The following CNIH3 variants were observed in gnomAD, a reference collection of about 807,000 sequenced individuals.
The protein encoded by CNIH3 is cornichon family AMPA receptor auxiliary protein 3.
In CNIH3, 14 loss-of-function variants were observed where a neutral mutation model predicts 24.1. The ratio of observed to expected loss-of-function variants is 0.58; its 90% CI spans 0.38 to 0.91. The LOEUF is 0.91. Ranked by LOEUF, CNIH3 falls within the 40% of genes least tolerant of loss-of-function variation. CNIH3 has a pLI of 0.00. For missense variants in CNIH3, 178 were observed against 196.8 expected, an observed-to-expected ratio of 0.90 and a Z score of 0.57; for synonymous variants, 68 against 73.8, an observed-to-expected ratio of 0.92 and a Z score of 0.40.
downstream of CNIH3, among the ~76,000 whole-genome samples, chr1:224,540,060 T>C (rs74146377): frequency 0.021 from 3,217 of 152,274 alleles, 115 homozygotes; most frequent in African/African-American, 0.073. Context: ...CGTGGGTAAT[T>C]GGGAGGCTGG....
At chr1:224,449,908 A>G (rs1200313065) in intron 1 of CNIH3, among the ~76,000 whole-genome samples, 3 of 151,972 alleles carry the variant, frequency 2.0e-5, no homozygotes, top group African/African-American at 7.3e-5. Context: ...TCAGTTGTGG[A>G]TATTTGCTGA....
intron 2 of CNIH3, among the ~76,000 whole-genome samples, chr1:224,524,432 T>C (rs1678765374): frequency 6.6e-6 from 1 of 152,210 alleles, no homozygotes; most frequent in African/African-American, 2.4e-5. Flanking sequence ...GTGTGTTGGG[T>C]TGGTTTACAT....
At chr1:224,625,950 T>TA (rs398103760) in intron 1 of CNIH3, among the ~76,000 whole-genome samples, 48 of 152,082 alleles carry the variant, frequency 3.2e-4, no homozygotes, top group Non-Finnish European at 2.1e-4. Context: ...ATTTTTTTTT[T>TA]AATCATAGAT....
At chr1:224,736,291 A>G (rs922942660) in intron 5 of CNIH3, among the ~76,000 whole-genome samples, 1 of 151,744 alleles carries the variant, frequency 6.6e-6, no homozygotes, top group Non-Finnish European at 1.5e-5. Context: ...TGCTCGGCTA[A>G]TTTTTGTATT....
chr1:224,449,172 G>A (rs1675285963), intron 1 of CNIH3, among the ~76,000 whole-genome samples: 1 of 151,734 alleles, frequency 6.6e-6, no homozygotes. Flanking sequence ...CACCATATTG[G>A]CCAGGATGGT....
At chr1:224,608,362 G>C (rs1022897359) in intron 3 of CNIH3, among the ~76,000 whole-genome samples, 1 of 152,136 alleles carries the variant, frequency 6.6e-6, no homozygotes, top group Non-Finnish European at 1.5e-5. Context: ...TTATTCGGCC[G>C]GGAGTGTTGG....
In CNIH3 at chr1:224,734,604, A is replaced by C; in HGVS notation, c.353A>C (p.Asp118Ala). ...CPADSSELAY[D>A]PPVVMNADTL... ...GCAGATAGCTCAGAACTAGCCTACG[A>C]CCCACCGGTGGTCATGAATGCCGAC... The change falls in exon 5 of 6, where the codon GAC becomes GCC. Residue 118 changes from aspartate (D) to alanine (A), a missense_variant. Asp to Ala is a moderately radical substitution (Grantham distance 126). Coordinates refer to ENST00000272133, the MANE Select transcript of CNIH3 (RefSeq NM_152495.2). The C allele has an allele frequency of 1.2e-6, 2 of 1,614,024 alleles. No homozygotes were observed. Among genetic ancestry groups the C allele is most frequent in the Non-Finnish European group, 1.7e-6 (2 of 1,179,984 alleles).
intron 1 of CNIH3, among the ~76,000 whole-genome samples, chr1:224,440,395 T>C (rs1674848429): frequency 6.6e-6 from 1 of 152,132 alleles, no homozygotes; most frequent in African/African-American, 2.4e-5. Flanking sequence ...TGGCTAATTT[T>C]TTATTTTTTG....
intron 1 of CNIH3, among the ~76,000 whole-genome samples, chr1:224,516,064 C>G (rs1678366671): frequency 6.6e-6 from 1 of 151,934 alleles, no homozygotes. Flanking sequence ...CCCCTGTAAT[C>G]CCAGCACTTT....
chr1:224,672,943 C>A (rs1251747196), intron 1 of CNIH3, among the ~76,000 whole-genome samples: 5 of 152,180 alleles, frequency 3.3e-5, no homozygotes, highest in African/African-American at 9.7e-5. Flanking sequence ...GCAGCTTTTC[C>A]CAGTGCCCAA....
chr1:224,529,755 A>G (rs1021533063), intron 2 of CNIH3, among the ~76,000 whole-genome samples: 1 of 152,214 alleles, frequency 6.6e-6, no homozygotes, highest in Admixed American at 6.5e-5. Flanking sequence ...GGGGAAAATG[A>G]AGAAACGCTT....
At chr1:224,574,303 G>C (rs1160459438) in intron 4 of CNIH3, 1 of 225,052 alleles carries the variant, frequency 4.4e-6, no homozygotes, top group Non-Finnish European at 8.6e-6. Flanking sequence ...TGGCTCCACT[G>C]TCACAGTAAG....
At chr1:224,705,109 C>T (rs940020387) in intron 3 of CNIH3, among the ~76,000 whole-genome samples, 3 of 152,012 alleles carry the variant, frequency 2.0e-5, no homozygotes, top group Non-Finnish European at 2.9e-5. Flanking sequence ...GAGCGAGACT[C>T]CCTCTCAAAA....
chr1:224,565,663 G>A (rs2405308), intron 3 of CNIH3: 55,415 of 152,134 alleles, frequency 0.36, 10,517 homozygotes, highest in African/African-American at 0.48. Context: ...GTCTTACTCT[G>A]CAGGAGAGTC....
At chr1:224,548,571 A>G (rs2794808) in intron 3 of CNIH3, among the ~76,000 whole-genome samples, 47,127 of 151,832 alleles carry the variant, frequency 0.31, 9,875 homozygotes, top group African/African-American at 0.6. Context: ...GATATTATTC[A>G]TTATTTCTAA....
chr1:224,590,479 A>C (rs559876578), downstream of CNIH3, among the ~76,000 whole-genome samples: 3 of 152,192 alleles, frequency 2.0e-5, no homozygotes, highest in African/African-American at 7.2e-5. Context: ...TTTATAAAGA[A>C]CAGAAGTTTA....
intron 3 of CNIH3, among the ~76,000 whole-genome samples, chr1:224,722,790 G>A (rs1238093903): frequency 6.6e-6 from 1 of 152,202 alleles, no homozygotes; most frequent in Non-Finnish European, 1.5e-5. Context: ...GAGGCAGGGT[G>A]GGAACAGCCA....
At chr1:224,440,766 C>A (rs1008091333) in intron 1 of CNIH3, among the ~76,000 whole-genome samples, 4 of 151,518 alleles carry the variant, frequency 2.6e-5, no homozygotes, top group African/African-American at 4.9e-5. Context: ...CTTATTTTTC[C>A]ATTTAATACT....
intron 1 of CNIH3, among the ~76,000 whole-genome samples, chr1:224,627,820 T>G (rs1267591095): frequency 6.6e-6 from 1 of 152,188 alleles, no homozygotes; most frequent in Non-Finnish European, 1.5e-5. Context: ...CTGCCTGCTT[T>G]CTGCCACTGC....
Sources: gnomAD v4.1 joint callset for allele counts (sites outside exome capture counted in the v4.1 genomes callset) on GRCh38, gnomAD v4.1.1 for gene constraint, MANE v1.5 for transcripts, NCBI Gene and HGNC (gene_info 2026-07-23, HGNC 2026-07-21) for gene names.